GRHL2: variants seen among roughly 807,000 people sequenced by gnomAD.
The protein encoded by GRHL2 is grainyhead-like protein 2 homolog.
GRHL2 carries 21 observed loss-of-function variants against 83.8 expected under a neutral mutation model. The observed-to-expected ratio is 0.25, with a 90% CI of 0.18 to 0.36. The LOEUF is 0.36. GRHL2 is among the 10% of genes least tolerant of loss of function. The probability of loss-of-function intolerance (pLI) is 1.00; values close to 1 mark genes in which losing one functional copy is unlikely to be tolerated. For missense variants in GRHL2, 623 were observed against 781.8 expected, an observed-to-expected ratio of 0.80 and a Z score of 2.42; for synonymous variants, 280 against 278.9, an observed-to-expected ratio of 1.00 and a Z score of -0.04.
intron 14 of GRHL2, among the ~76,000 whole-genome samples, chr8:101,653,215 G>A (rs1813709293): frequency 6.6e-6 from 1 of 152,104 alleles, no homozygotes. Context: ...GTTTTGTTTT[G>A]ACTTTTAATT....
chr8:101,512,102 T>C (rs1460566011), intron 1 of GRHL2, among the ~76,000 whole-genome samples: 1 of 152,192 alleles, frequency 6.6e-6, no homozygotes, highest in Non-Finnish European at 1.5e-5. Flanking sequence ...TCTGGAAATG[T>C]TGTGCCATCT....
chr8:101,600,314 T>G (rs948402085), intron 8 of GRHL2, among the ~76,000 whole-genome samples: 1 of 152,196 alleles, frequency 6.6e-6, no homozygotes, highest in Non-Finnish European at 1.5e-5. Context: ...CACACAGAAC[T>G]GTAGGCAAAT....
chr8:101,577,270 G>A (rs2130242138), intron 6 of GRHL2, 138 bp from the exon 7 acceptor site: 3 of 698,228 alleles, frequency 4.3e-6, no homozygotes, highest in South Asian at 1.5e-5. Flanking sequence ...GGACCATACA[G>A]CCAAGCTTGT....
intron 7 of GRHL2, 80 bp downstream of exon 7, chr8:101,577,599 A>C (rs951107701): frequency 4.3e-6 from 4 of 921,030 alleles, no homozygotes; most frequent in African/African-American, 1.6e-5. Flanking sequence ...CTGGCGTAGT[A>C]ATCACAGCTG....
intron 12 of GRHL2, among the ~76,000 whole-genome samples, chr8:101,642,422 A>G (rs1375164892): frequency 6.6e-6 from 1 of 152,242 alleles, no homozygotes; most frequent in Non-Finnish European, 1.5e-5. Context: ...ACCCTCACAC[A>G]GCATGATGGA....
At chr8:101,566,033 G>A (rs2130201793) in intron 4 of GRHL2, among the ~76,000 whole-genome samples, 1 of 152,258 alleles carries the variant, frequency 6.6e-6, no homozygotes, top group South Asian at 2.1e-4. Flanking sequence ...ACAGCTGGTA[G>A]TCCATTATCC....
rs114624977 is a variant in GRHL2, at chr8:101,598,664, A to G, written c.1004-393A>G. Among the ~76,000 whole-genome samples, 880 of 151,244 alleles carry G rather than the reference A, an allele frequency of 5.8e-3. 10 individuals are homozygous for G. The highest frequency in any genetic ancestry group is 0.02 in the African/African-American group (810 of 41,216). ...GATAAACAGAATATTCTGTTCTACA[A>G]AAAATTCCATATGAAGTACCCTGGT... On this transcript the variant is annotated intron_variant, in intron 7 of 15. Transcript: ENST00000646743.
chr8:101,620,638 C>G (rs1487594983), intron 9 of GRHL2, among the ~76,000 whole-genome samples: 1 of 152,118 alleles, frequency 6.6e-6, no homozygotes, highest in Non-Finnish European at 1.5e-5. Flanking sequence ...TGAATGGGAC[C>G]AAGCATCAAC....
intron 14 of GRHL2, among the ~76,000 whole-genome samples, chr8:101,660,089 C>A (rs1813886380): frequency 6.6e-6 from 1 of 152,106 alleles, no homozygotes; most frequent in Non-Finnish European, 1.5e-5. Flanking sequence ...TCAAGGTTTT[C>A]AAGTGAATCT....
intron 14 of GRHL2, among the ~76,000 whole-genome samples, chr8:101,660,550 TG>T (rs1341307083): frequency 2.0e-5 from 3 of 152,266 alleles, no homozygotes; most frequent in African/African-American, 7.2e-5. Flanking sequence ...TATTCTCATT[TG>T]GTGTAATAAC....
chr8:101,509,155 TTC>T, intron 1 of GRHL2, among the ~76,000 whole-genome samples: 2 of 101,594 alleles, frequency 2.0e-5, no homozygotes, highest in African/African-American at 6.4e-5. Flanking sequence ...CCTTCCTTCC[TTC>T]CTTTCTTTCT....
intron 9 of GRHL2, among the ~76,000 whole-genome samples, chr8:101,625,383 T>C (rs1813061356): frequency 6.6e-6 from 1 of 152,056 alleles, no homozygotes; most frequent in African/African-American, 2.4e-5. Context: ...ATGCAGAATA[T>C]ACAGAGGATG....
chr8:101,588,976 T>C (rs193083459), intron 7 of GRHL2, among the ~76,000 whole-genome samples: 20 of 152,316 alleles, frequency 1.3e-4, no homozygotes, highest in African/African-American at 4.8e-4. Context: ...GGGAAAAGAT[T>C]AGGGAGCTTT....
intron 1 of GRHL2, among the ~76,000 whole-genome samples, chr8:101,521,590 C>T (rs1810685204): frequency 6.6e-6 from 1 of 152,090 alleles, no homozygotes; most frequent in African/African-American, 2.4e-5. Flanking sequence ...TCGCTGTATC[C>T]CAGTACTCAA....
chr8:101,540,629 T>C (rs1193417363), intron 1 of GRHL2, among the ~76,000 whole-genome samples: 4 of 152,158 alleles, frequency 2.6e-5, no homozygotes, highest in Non-Finnish European at 5.9e-5. Context: ...TCTTTTTTTC[T>C]GACCTGACAC....
At chr8:101,554,559 C>T (rs1233267620) in intron 3 of GRHL2, among the ~76,000 whole-genome samples, 1 of 152,014 alleles carries the variant, frequency 6.6e-6, no homozygotes, top group Non-Finnish European at 1.5e-5. Flanking sequence ...GACTAAACTA[C>T]CTTATATAGA....
intron 9 of GRHL2, among the ~76,000 whole-genome samples, chr8:101,621,580 A>G (rs1438697815): frequency 6.6e-6 from 1 of 152,116 alleles, no homozygotes; most frequent in Non-Finnish European, 1.5e-5. Flanking sequence ...GTGAGAGAAA[A>G]TACAGATACA....
At chr8:101,496,872 A>G (rs1283152397) in intron 1 of GRHL2, among the ~76,000 whole-genome samples, 1 of 152,174 alleles carries the variant, frequency 6.6e-6, no homozygotes, top group African/African-American at 2.4e-5. Flanking sequence ...AGCATGGTCT[A>G]GGACCAGAAA....
At chr8:101,529,875 C>T (rs972563869) in intron 1 of GRHL2, among the ~76,000 whole-genome samples, 2 of 152,092 alleles carry the variant, frequency 1.3e-5, no homozygotes, top group African/African-American at 4.8e-5. Context: ...AAGTGAGGCC[C>T]AGCAGGGTAA....
Sources: gnomAD v4.1 joint callset for allele counts (sites outside exome capture counted in the v4.1 genomes callset) on GRCh38, gnomAD v4.1.1 for gene constraint, MANE v1.5 for transcripts, NCBI Gene and HGNC (gene_info 2026-07-23, HGNC 2026-07-21) for gene names.